The following MYT1L variants were observed in gnomAD, a reference collection of about 807,000 sequenced individuals.
The protein encoded by MYT1L is myelin transcription factor 1-like protein.
Under a neutral mutation model 126.7 loss-of-function variants are expected in MYT1L, and 12 were observed. The ratio of observed to expected loss-of-function variants is 0.09; its 90% CI spans 0.06 to 0.15. MYT1L has a LOEUF of 0.15. MYT1L is among the 10% of genes least tolerant of loss of function. The probability of loss-of-function intolerance (pLI) is 1.00; values close to 1 mark genes in which losing one functional copy is unlikely to be tolerated. For synonymous variants in MYT1L, 541 were observed against 604.2 expected (o/e 0.90, Z 1.53); for missense variants, 979 against 1,585.2 (o/e 0.62, Z 6.49).
intron 1 of MYT1L, among the ~76,000 whole-genome samples, chr2:2,284,991 C>T (rs2095498516): frequency 6.6e-6 from 1 of 152,198 alleles, no homozygotes; most frequent in South Asian, 2.1e-4. Context: ...GCTGGGATTA[C>T]AGGTGTGAGC....
chr2:2,284,266 A>C (rs938925113), intron 2 of MYT1L, 138 bp downstream of exon 2: 1 of 152,182 alleles, frequency 6.6e-6, no homozygotes, highest in Non-Finnish European at 1.5e-5. Flanking sequence ...AGCATTAAAA[A>C]CAGCAAGAAA....
intron 3 of MYT1L, among the ~76,000 whole-genome samples, chr2:2,065,661 C>T (rs554672810): frequency 7.9e-4 from 121 of 152,272 alleles, no homozygotes; most frequent in African/African-American, 2.8e-3. Flanking sequence ...GCAATGAGTT[C>T]GCACTCAGAA....
chr2:1,922,706 T>C lies in MYT1L; in HGVS notation c.1063A>G (p.Met355Val), dbSNP rs747529449. The change falls in exon 10 of 25, where the codon ATG (methionine) becomes GTG (valine). Residue 355 changes from methionine (M) to valine (V), a missense_variant. Physicochemically the swap from Met to Val is conservative, Grantham distance 21. Transcript: ENST00000647738. This position sits in a 1 kb window ranked among gnomAD's most constrained non-coding sequence, Gnocchi z 7.4. ...GGCCGGACATGCTGACGGATGTTCATGTTCTGCTGCGGATTCCTCTCCTGC... is the reference window on the plus strand; with the variant it reads ...GGCCGGACATGCTGACGGATGTTCACGTTCTGCTGCGGATTCCTCTCCTGC... ...NPQERNPQQN[M>V]NIRQHVRPEE... 15 of 1,613,832 alleles carry C rather than the reference T, an allele frequency of 9.3e-6. No homozygotes were observed. In the East Asian group the frequency reaches 2.5e-4, roughly 26 times the overall value.
intron 4 of MYT1L, among the ~76,000 whole-genome samples, chr2:2,044,809 A>G (rs2067974277): frequency 6.6e-6 from 1 of 152,150 alleles, no homozygotes; most frequent in African/African-American, 2.4e-5. Context: ...TCAGCTCACA[A>G]CAAGGACTCC....
intron 3 of MYT1L, among the ~76,000 whole-genome samples, chr2:2,104,438 A>G (rs541764132): frequency 6.6e-6 from 1 of 152,338 alleles, no homozygotes; most frequent in Non-Finnish European, 1.5e-5. Context: ...TTTCAGGGCA[A>G]AAAGCTAGAA....
intron 2 of MYT1L, among the ~76,000 whole-genome samples, chr2:2,221,968 G>A (rs2093886258): frequency 6.6e-6 from 1 of 152,192 alleles, no homozygotes; most frequent in African/African-American, 2.4e-5. Flanking sequence ...TGGGACAGTG[G>A]TGGCTGGCAT....
intron 9 of MYT1L, among the ~76,000 whole-genome samples, chr2:1,928,035 C>T (rs531020776): frequency 6.6e-6 from 1 of 152,128 alleles, no homozygotes; most frequent in East Asian, 1.9e-4. Flanking sequence ...CTCACTGCAG[C>T]CTCATTCCCC....
At chr2:1,835,043 C>A (rs372631393) in intron 21 of MYT1L, among the ~76,000 whole-genome samples, 12 of 128,624 alleles carry the variant, frequency 9.3e-5, no homozygotes, top group African/African-American at 4.5e-4. Flanking sequence ...TGCTCCTCCA[C>A]ATACCACGGG....
intron 3 of MYT1L, among the ~76,000 whole-genome samples, chr2:2,078,796 C>T (rs1280160124): frequency 6.6e-6 from 1 of 152,170 alleles, no homozygotes; most frequent in African/African-American, 2.4e-5. Context: ...ATTAGTGCAG[C>T]CCATTTGCAG....
chr2:1,819,602 G>A (rs1414312675), intron 21 of MYT1L, among the ~76,000 whole-genome samples: 1 of 152,180 alleles, frequency 6.6e-6, no homozygotes, highest in Non-Finnish European at 1.5e-5. Context: ...GCTACACTCG[G>A]GCCCTGCCAG....
intron 22 of MYT1L, among the ~76,000 whole-genome samples, chr2:1,802,872 A>G (rs1176433078): frequency 6.6e-6 from 1 of 152,238 alleles, no homozygotes; most frequent in African/African-American, 2.4e-5. Context: ...CTCATTGGCC[A>G]CACAGCACCA....
rs576585628 is a variant in MYT1L at position 2,011,224 on chromosome 2, A to G, written c.-157-13877T>C. 9.9e-5 allele frequency among the ~76,000 whole-genome samples: 15 copies of G among 152,246 alleles called. No homozygotes were observed. In the South Asian group the frequency reaches 3.1e-3, roughly 32 times the overall value. Reference sequence around the variant, plus strand: ...GCCAACACGGCAAAACCCTGTCTCTAGTAAAAATACAAAAAAATTAGCCAG... The same window carrying G: ...GCCAACACGGCAAAACCCTGTCTCTGGTAAAAATACAAAAAAATTAGCCAG... On this transcript the variant is annotated intron_variant, in intron 4 of 24. Transcript: ENST00000647738.
At chr2:2,161,116 A>G (rs963146044) in intron 3 of MYT1L, among the ~76,000 whole-genome samples, 4 of 152,014 alleles carry the variant, frequency 2.6e-5, no homozygotes, top group Non-Finnish European at 4.4e-5. Flanking sequence ...GCTACTCGGG[A>G]GGCTGAGAAT....
At chr2:2,044,832 C>T (rs12479441) in intron 4 of MYT1L, among the ~76,000 whole-genome samples, 8,168 of 152,248 alleles carry the variant, frequency 0.054, 294 homozygotes, top group East Asian at 0.2. Flanking sequence ...GTTCCCGATG[C>T]CTCAACCCCT....
intron 2 of MYT1L, among the ~76,000 whole-genome samples, chr2:2,197,524 G>A (rs976702645): frequency 6.6e-6 from 1 of 151,186 alleles, no homozygotes; most frequent in South Asian, 2.1e-4. Context: ...GTGTAGAGAT[G>A]TATATAACAT....
chr2:2,057,051 T>C (rs1178137958), intron 3 of MYT1L, among the ~76,000 whole-genome samples: 4 of 152,140 alleles, frequency 2.6e-5, no homozygotes, highest in African/African-American at 7.2e-5. Context: ...TGCAGAACCA[T>C]AGCACATACA....
intron 14 of MYT1L, chr2:1,902,696 T>A (rs949053799): frequency 4.8e-6 from 1 of 208,174 alleles, no homozygotes; most frequent in African/African-American, 2.3e-5. Context: ...AGCCCAGGGC[T>A]GCCTGCTCTC....
At chr2:1,980,655 G>C (rs938407642) in intron 5 of MYT1L, among the ~76,000 whole-genome samples, 13 of 152,098 alleles carry the variant, frequency 8.5e-5, no homozygotes, top group African/African-American at 2.9e-4. Context: ...TTTAATACAT[G>C]AGAAAACTAA....
chr2:2,229,986 C>T (rs1364402467), intron 2 of MYT1L, among the ~76,000 whole-genome samples: 2 of 152,178 alleles, frequency 1.3e-5, no homozygotes, highest in African/African-American at 2.4e-5. Context: ...CTTGAAATCT[C>T]CTTTACCTTT....
Sources: allele counts gnomAD v4.1 joint callset (sites outside exome capture counted in the v4.1 genomes callset), GRCh38; gene constraint gnomAD v4.1.1; non-coding constraint Gnocchi (gnomAD v3.1); transcripts MANE v1.5; gene names NCBI Gene and HGNC (gene_info 2026-07-23, HGNC 2026-07-21).